The following BMPR1B variants were observed in gnomAD, a reference collection of about 807,000 sequenced individuals.
The protein encoded by BMPR1B is bone morphogenetic protein receptor type-1B.
BMPR1B carries 12 observed loss-of-function variants against 59.1 expected under a neutral mutation model. The ratio of observed to expected loss-of-function variants is 0.20; its 90% CI spans 0.13 to 0.33. The LOEUF (loss-of-function observed/expected upper bound fraction) is 0.33, where lower values mean the gene tolerates loss of function less well. Among genes scored for constraint, BMPR1B ranks in the 10% least tolerant of loss-of-function variants. BMPR1B has a pLI of 1.00. For missense variants in BMPR1B, 550 were observed against 610.9 expected, an observed-to-expected ratio of 0.90 and a Z score of 1.05; for synonymous variants, 237 against 207.3, an observed-to-expected ratio of 1.14 and a Z score of -1.23.
At chr4:94,892,757 G>A (rs911033093) in intron 2 of BMPR1B, among the ~76,000 whole-genome samples, 6 of 152,074 alleles carry the variant, frequency 3.9e-5, no homozygotes, top group African/African-American at 1.4e-4. Context: ...CAGCTTTTGA[G>A]TAGGTGAATT....
intron 1 of BMPR1B, among the ~76,000 whole-genome samples, chr4:94,778,479 TTACTTCCTGATAGGGTATTTC>T (rs1392355926): frequency 6.6e-6 from 1 of 152,190 alleles, no homozygotes; most frequent in Admixed American, 6.5e-5. Flanking sequence ...ATTTTTCCAT[TTACTTCCTGATAGGGTATTTC>T]TATATATTTG....
intron 2 of BMPR1B, among the ~76,000 whole-genome samples, chr4:94,974,724 G>A (rs540099863): frequency 3.9e-5 from 6 of 152,042 alleles, no homozygotes; most frequent in Non-Finnish European, 5.9e-5. Context: ...TCAGAGCAGC[G>A]TTTATAGTTT....
chr4:95,035,444 T>G (rs941708662), intron 3 of BMPR1B, among the ~76,000 whole-genome samples: 1 of 152,106 alleles, frequency 6.6e-6, no homozygotes, highest in Non-Finnish European at 1.5e-5. Flanking sequence ...CCATCTCGAG[T>G]TGATTTTTGT....
chr4:94,964,568 A>G (rs769537229), intron 2 of BMPR1B, among the ~76,000 whole-genome samples: 1 of 152,188 alleles, frequency 6.6e-6, no homozygotes, highest in Non-Finnish European at 1.5e-5. Flanking sequence ...TTAACACAGA[A>G]AGAATCTTTC....
At chr4:95,009,021 C>G (rs917533949) in intron 3 of BMPR1B, among the ~76,000 whole-genome samples, 1 of 152,032 alleles carries the variant, frequency 6.6e-6, no homozygotes, top group African/African-American at 2.4e-5. Flanking sequence ...CTCCACTGCA[C>G]TGTAGCCTAA....
chr4:94,891,752 A>G lies in BMPR1B; in HGVS notation c.-113+15852A>G, dbSNP rs529499380. On this transcript the variant is annotated intron_variant, in intron 2 of 12. Coordinates refer to ENST00000515059, the MANE Select transcript of BMPR1B (RefSeq NM_001203.3). ...ATATCTAGGGCTTACCAGATCAGTT[A>G]CAATTTTGATCAAGTGCCTCAAATT... Among the ~76,000 whole-genome samples, 11 of 152,220 alleles carry G rather than the reference A, an allele frequency of 7.2e-5. No homozygotes were observed. The South Asian group carries it at 2.3e-3, about 32-fold the overall frequency.
chr4:94,770,498 T>G (rs552120909), intron 1 of BMPR1B, among the ~76,000 whole-genome samples: 1 of 152,136 alleles, frequency 6.6e-6, no homozygotes, highest in South Asian at 2.1e-4. Flanking sequence ...TTATTTGATG[T>G]TTTTCCCCCT....
At chr4:94,898,564 C>A (rs1001070889) in intron 2 of BMPR1B, among the ~76,000 whole-genome samples, 5 of 152,008 alleles carry the variant, frequency 3.3e-5, no homozygotes, top group Admixed American at 3.3e-4. Flanking sequence ...TGAAGAAGGA[C>A]GTGTTTGCTT....
chr4:94,904,593 C>A (rs1187697216), intron 2 of BMPR1B, among the ~76,000 whole-genome samples: 7 of 151,942 alleles, frequency 4.6e-5, no homozygotes, highest in Non-Finnish European at 1.0e-4. Flanking sequence ...AGACTGTAAA[C>A]CTTTGTTCAG....
chr4:94,894,111 G>C (rs190085791), intron 2 of BMPR1B, among the ~76,000 whole-genome samples: 29 of 152,124 alleles, frequency 1.9e-4, no homozygotes, highest in Middle Eastern at 6.8e-3. Context: ...CCCATAGGAA[G>C]GATAGTGAAA....
At chr4:95,070,129 CAAACAAACAAAA>C (rs925618283) in intron 3 of BMPR1B, among the ~76,000 whole-genome samples, 1 of 151,996 alleles carries the variant, frequency 6.6e-6, no homozygotes, top group Non-Finnish European at 1.5e-5. Context: ...AACAAACAAA[CAAACAAACAAAA>C]ACTGTAATCT....
chr4:94,794,369 T>C (rs887339745), intron 1 of BMPR1B, among the ~76,000 whole-genome samples: 80 of 151,670 alleles, frequency 5.3e-4, no homozygotes, highest in African/African-American at 1.9e-3. Flanking sequence ...TTCTGTTCCA[T>C]TGATCTATAT....
rs1733347765 is a variant in BMPR1B at position 95,131,352 on chromosome 4, T to C, written c.916T>C (p.Tyr306His). The change falls in exon 10 of 13, where the codon TAC becomes CAC. Residue 306 changes from tyrosine (Y) to histidine (H), a missense_variant. Physicochemically the swap from Tyr to His is moderately conservative, Grantham distance 83. This residue lies in a region of BMPR1B where 318 missense variants were observed against 284.6 expected (regional missense o/e 1.12). Transcript: ENST00000515059. ...LDAKSMLKLA[Y>H]SSVSGLCHLH... The stretch of plus-strand genomic sequence containing the variant: ...CGCTAAATCAATGCTGAAGTTAGCC[T>C]ACTCTTCTGTCAGTGGCTTATGTCA... 1 of 1,614,106 alleles carries C rather than the reference T, an allele frequency of 6.2e-7. No homozygotes were observed. The highest frequency in any genetic ancestry group is 8.5e-7 in the Non-Finnish European group (1 of 1,180,008).
At chr4:94,840,382 G>A (rs1480078139) in intron 1 of BMPR1B, among the ~76,000 whole-genome samples, 5 of 148,182 alleles carry the variant, frequency 3.4e-5, no homozygotes, top group South Asian at 2.2e-4. Context: ...CATTCTCCGC[G>A]TCACTTTCAG....
intron 2 of BMPR1B, among the ~76,000 whole-genome samples, chr4:94,970,269 C>G (rs71601249): frequency 8.9e-6 from 1 of 112,880 alleles, no homozygotes; most frequent in Admixed American, 8.9e-5. Context: ...CTCTTCTCTT[C>G]TCTTCTCTTC....
chr4:95,115,171 T>C (rs1316881065), intron 5 of BMPR1B, among the ~76,000 whole-genome samples: 2 of 152,168 alleles, frequency 1.3e-5, no homozygotes, highest in Non-Finnish European at 2.9e-5. Flanking sequence ...GGCTATACCA[T>C]CTAGGTTTGT....
rs148607762 is a variant in BMPR1B at position 95,004,733 on chromosome 4, T to G, written c.-18+8599T>G. ...TATTCCCAGTAGTAGTTTAGCTTAC[T>G]AACCTTGAAATTTATATCTGTGTTT... On this transcript the variant is annotated intron_variant, in intron 3 of 12. Transcript: ENST00000515059. Among the ~76,000 whole-genome samples the G allele has an allele frequency of 3.3e-3, 499 of 152,326 alleles. 4 individuals are homozygous for G. Among genetic ancestry groups the G allele is most frequent in the African/African-American group, 0.011 (476 of 41,580 alleles).
chr4:94,858,112 AT>A (rs11400695), intron 1 of BMPR1B, among the ~76,000 whole-genome samples: 21 of 147,452 alleles, frequency 1.4e-4, no homozygotes, highest in Admixed American at 2.7e-4. Context: ...CGCCTGGCTA[AT>A]TTTTTTTTTT....
chr4:94,903,974 T>C (rs1481092444), intron 2 of BMPR1B, among the ~76,000 whole-genome samples: 1 of 152,054 alleles, frequency 6.6e-6, no homozygotes, highest in African/African-American at 2.4e-5. Flanking sequence ...AGCAAACTAA[T>C]ACACTTAGTG....
Sources: allele counts gnomAD v4.1 joint callset (sites outside exome capture counted in the v4.1 genomes callset), GRCh38; gene constraint gnomAD v4.1.1; regional missense constraint gnomAD v4.1.1; transcripts MANE v1.5; gene names NCBI Gene and HGNC (gene_info 2026-07-23, HGNC 2026-07-21).